The following RPL10A variants were observed in gnomAD, a reference collection of about 807,000 sequenced individuals.
RPL10A encodes the protein large ribosomal subunit protein uL1.
RPL10A carries 11 observed loss-of-function variants against 24.6 expected under a neutral mutation model. The observed-to-expected ratio is 0.45, with a 90% CI of 0.28 to 0.74. RPL10A has a LOEUF of 0.74. RPL10A is among the 30% of genes least tolerant of loss of function. The probability of loss-of-function intolerance (pLI) is 0.13; values close to 1 mark genes in which losing one functional copy is unlikely to be tolerated. For missense variants in RPL10A, 136 were observed against 273.1 expected, an observed-to-expected ratio of 0.50 and a Z score of 3.54; for synonymous variants, 98 against 108.5, an observed-to-expected ratio of 0.90 and a Z score of 0.60.
At chr6:35,469,212 T>G (rs1767967771) in intron 3 of RPL10A, 169 bp from the exon 4 acceptor site, 5 of 1,472,134 alleles carry the variant, frequency 3.4e-6, no homozygotes, top group East Asian at 2.4e-5. Flanking sequence ...AGGGGAGGCG[T>G]GGGTAGGCCT....
chr6:35,470,778 G>A lies in RPL10A; in HGVS notation c.*28G>A. On this transcript the variant is annotated 3_prime_UTR_variant, in exon 6 of 6. Coordinates refer to ENST00000322203, the MANE Select transcript of RPL10A (RefSeq NM_007104.5). The surrounding 1 kb of genome is among the most constrained non-coding windows in gnomAD (Gnocchi z 4.6). ...CACATTTGAATAAATTCTATTACCA[G>A]TTCCCTCTGTCTGCCTGTGATTGAG... 1.3e-6 allele frequency: 2 copies of A among 1,593,756 alleles called. No homozygotes were observed. The highest frequency in any genetic ancestry group is 8.5e-7 in the Non-Finnish European group (1 of 1,175,762).
chr6:35,470,366 C>A lies in RPL10A; in HGVS notation c.483+15C>A. 6.3e-7 allele frequency: 1 copy of A among 1,597,448 alleles called. No individual in the cohort carries two copies. Among genetic ancestry groups the A allele is most frequent in the Non-Finnish European group, 8.5e-7 (1 of 1,176,350 alleles). ...AAATGAAGAAGGTGAGTGGGTCTGG[C>A]GGGTTGCTATGGGTGAAGGTGTTGG... On this transcript the variant is annotated intron_variant, in intron 5 of 5. Transcript: ENST00000322203. The surrounding 1 kb of genome is among the most constrained non-coding windows in gnomAD (Gnocchi z 4.6).
rs192081806 is a variant in RPL10A, at chr6:35,468,637, G to C, written c.6-162G>C. 3.3e-6 allele frequency: 5 copies of C among 1,518,812 alleles called. No homozygotes were observed. In the Admixed American group the frequency reaches 8.1e-5, roughly 25 times the overall value. The allele number at this position is 1,518,812 out of a possible 1,614,324, so 94.1% of individuals were successfully genotyped here. A position where few individuals can be genotyped will look rare whatever the true frequency, so the allele number is the denominator to read the frequency against. On this transcript the variant is annotated intron_variant, in intron 1 of 5. Transcript: ENST00000322203. The stretch of plus-strand genomic sequence containing the variant: ...GCCTCCCTCTTCCACCGGGGCTTGG[G>C]TCTGGGTCTGAGCTCCCGTCGCTCT...
At chr6:35,469,661 G>C (rs904877884) in intron 4 of RPL10A, 132 bp downstream of exon 4, 38 of 1,059,016 alleles carry the variant, frequency 3.6e-5, no homozygotes, top group Non-Finnish European at 4.9e-5. Context: ...TGCCTAGCTT[G>C]CCTGAGTGCT....
At chr6:35,468,682 C>G in intron 1 of RPL10A, 117 bp from the exon 2 acceptor site, 1 of 1,524,530 alleles carries the variant, frequency 6.6e-7, no homozygotes, top group Non-Finnish European at 8.8e-7. Flanking sequence ...CCGGAATCTA[C>G]GGGGGAGTCC....
chr6:35,469,304 T>G, intron 3 of RPL10A, 77 bp from the exon 4 acceptor site: 1 of 1,511,766 alleles, frequency 6.6e-7, no homozygotes, highest in Non-Finnish European at 8.8e-7. Flanking sequence ...CGGTGGCTGC[T>G]GCGGTCCCAG....
In RPL10A at chr6:35,470,027, G is replaced by C; in HGVS notation, c.311-152G>C. The C allele has an allele frequency of 1.5e-6, 1 of 685,352 alleles. No homozygotes were observed. The highest frequency in any genetic ancestry group is 2.0e-5 in the South Asian group (1 of 49,668). 42.5% of individuals were successfully genotyped at this position (685,352 alleles called of 1,614,324 possible). ...AGAGGACTTTCTGGAAACCGTTTGG[G>C]CTAGGGAAAAGACTGAGGCGGGGTC... is the stretch of plus-strand genomic sequence containing the variant. On this transcript the variant is annotated intron_variant, in intron 4 of 5. Transcript: ENST00000322203. The surrounding 1 kb of genome is among the most constrained non-coding windows in gnomAD (Gnocchi z 4.6).
At chr6:35,468,650 C>A in intron 1 of RPL10A, 149 bp from the exon 2 acceptor site, 1 of 1,513,620 alleles carries the variant, frequency 6.6e-7, no homozygotes, top group Non-Finnish European at 8.8e-7. Flanking sequence ...TGGGTCTGAG[C>A]TCCCGTCGCT....
chr6:35,468,914 C>T (rs1370709316), intron 2 of RPL10A, 33 bp from the exon 3 acceptor site: 6 of 1,613,468 alleles, frequency 3.7e-6, no homozygotes, highest in East Asian at 2.2e-5. Context: ...TGGCGAGGGC[C>T]GGCGGGTGCT....
chr6:35,470,550 C>G lies in RPL10A; in HGVS notation c.484-30C>G, dbSNP rs1038742514. ...GGCCATCTGCTATTCGTCCACCAAC[C>G]TGACTTGATCCTCTCTTCCCTCCTC... On this transcript the variant is annotated intron_variant, in intron 5 of 5. Transcript: ENST00000322203. This position sits in a 1 kb window ranked among gnomAD's most constrained non-coding sequence, Gnocchi z 4.6. 2.5e-6 allele frequency: 4 copies of G among 1,604,050 alleles called. No homozygotes were observed. Among genetic ancestry groups the G allele is most frequent in the Non-Finnish European group, 2.6e-6 (3 of 1,172,490 alleles).
At chr6:35,469,666 AGTGCT>A in intron 4 of RPL10A, 137 bp downstream of exon 4, 1 of 1,031,316 alleles carries the variant, frequency 9.7e-7, no homozygotes, top group Non-Finnish European at 1.4e-6. Flanking sequence ...AGCTTGCCTG[AGTGCT>A]GTTTTAGCTT....
At chr6:35,468,908 G>C in intron 2 of RPL10A, 35 bp downstream of exon 2, 1 of 1,613,464 alleles carries the variant, frequency 6.2e-7, no homozygotes, top group Non-Finnish European at 8.5e-7. Flanking sequence ...CGCGGGTGGC[G>C]AGGGCCGGCG....
rs1428758317 is a variant in RPL10A at position 35,470,586 on chromosome 6, T to G, written c.490T>G (p.Cys164Gly). ...TIKFQMKKVLCLAVAVGHVKM... is the reference protein window; with the variant it reads ...TIKFQMKKVLGLAVAVGHVKM... ...CTCTCTTCCCTCCTCCCAGGTGTTATGTCTGGCTGTAGCTGTTGGTCACGT... is the reference window on the plus strand; with the variant it reads ...CTCTCTTCCCTCCTCCCAGGTGTTAGGTCTGGCTGTAGCTGTTGGTCACGT... The change falls in exon 6 of 6, where the codon TGT becomes GGT. Residue 164 changes from cysteine (C) to glycine (G), a missense_variant. Cys to Gly is a radical substitution (Grantham distance 159, BLOSUM62 -3). Around this residue, in one of 3 missense-constraint regions of RPL10A, gnomAD observed 48 missense variants for 105.9 expected, o/e 0.45. Coordinates refer to ENST00000322203, the MANE Select transcript of RPL10A (RefSeq NM_007104.5). The surrounding 1 kb of genome is among the most constrained non-coding windows in gnomAD (Gnocchi z 4.6). The G allele has an allele frequency of 6.2e-7, 1 of 1,613,704 alleles. No homozygotes were observed. The highest frequency in any genetic ancestry group is 8.5e-7 in the Non-Finnish European group (1 of 1,179,764).
chr6:35,468,664 C>G, intron 1 of RPL10A, 135 bp from the exon 2 acceptor site: 1 of 1,516,554 alleles, frequency 6.6e-7, no homozygotes, highest in Non-Finnish European at 8.8e-7. Flanking sequence ...CGTCGCTCTA[C>G]TTGGTGTCCG....
At chr6:35,469,853 T>C (rs73415611) in intron 4 of RPL10A, among the ~76,000 whole-genome samples, 8,649 of 152,170 alleles carry the variant, frequency 0.057, 358 homozygotes, top group African/African-American at 0.13. Context: ...ACATTCCCAG[T>C]TGTCACGTGT....
rs765900233 is a variant in RPL10A, at chr6:35,468,835, G to A, written c.42G>A (p.Val14=). The change falls in exon 2 of 6, where the codon GTG becomes GTA. Residue 14 remains valine (V), a synonymous_variant. Coordinates refer to ENST00000322203, the MANE Select transcript of RPL10A (RefSeq NM_007104.5). ...CTCGCGACACCCTGTACGAGGCGGTGCGGGAAGTCCTGCACGGGAACCAGC... is the reference window on the plus strand; with the variant it reads ...CTCGCGACACCCTGTACGAGGCGGTACGGGAAGTCCTGCACGGGAACCAGC... ...KVSRDTLYEA[V]REVLHGNQRK... 3.1e-6 allele frequency: 5 copies of A among 1,611,074 alleles called. No homozygotes were observed. The highest frequency in any genetic ancestry group is 4.5e-5 in the East Asian group (2 of 44,780).
At chr6:35,468,684 G>C in intron 1 of RPL10A, 115 bp from the exon 2 acceptor site, 1 of 1,526,306 alleles carries the variant, frequency 6.6e-7, no homozygotes, top group South Asian at 1.2e-5. Context: ...GGAATCTACG[G>C]GGGAGTCCGC....
At chr6:35,469,251 GC>G in intron 3 of RPL10A, 129 bp from the exon 4 acceptor site, 1 of 1,497,566 alleles carries the variant, frequency 6.7e-7, no homozygotes, top group Non-Finnish European at 8.9e-7. Flanking sequence ...AGCCTGAGAA[GC>G]CAGGCTGGCT....
chr6:35,469,034 A>G lies in RPL10A; in HGVS notation c.161+7A>G. 1 of 1,611,776 alleles carries G rather than the reference A, an allele frequency of 6.2e-7. No individual in the cohort carries two copies. Among genetic ancestry groups the G allele is most frequent in the African/African-American group, 1.3e-5 (1 of 74,968 alleles). ...GCTTCTCGGGCACCGTCAGGTTGGC[A>G]CCGTTCTGATCCCACCCAGCCCTCA... On this transcript the variant is annotated splice_region_variant and intron_variant, in intron 3 of 5. Transcript: ENST00000322203.
Sources: gnomAD v4.1 joint callset for allele counts (sites outside exome capture counted in the v4.1 genomes callset) on GRCh38, gnomAD v4.1.1 for gene constraint, gnomAD v4.1.1 regional missense constraint, Gnocchi (gnomAD v3.1) non-coding constraint, MANE v1.5 for transcripts, NCBI Gene and HGNC (gene_info 2026-07-23, HGNC 2026-07-21) for gene names.